The following RALYL variants were observed in gnomAD, a reference collection of about 807,000 sequenced individuals.
RALYL encodes RNA-binding Raly-like protein.
RALYL carries 29 observed loss-of-function variants against 35.1 expected under a neutral mutation model. The ratio of observed to expected loss-of-function variants is 0.83; its 90% confidence interval spans 0.61 to 1.13. RALYL has a LOEUF of 1.13. Among genes scored for constraint, RALYL ranks in the 50% most tolerant of loss-of-function variants. The pLI, the probability that RALYL is intolerant of heterozygous loss-of-function variation, is 0.00. For synonymous variants in RALYL, 120 were observed against 127.6 expected (o/e 0.94, Z 0.40); for missense variants, 359 against 360.4 (o/e 1.00, Z 0.03).
chr8:84,312,544 C>G (rs1225125949), intron 1 of RALYL, among the ~76,000 whole-genome samples: 1 of 152,084 alleles, frequency 6.6e-6, no homozygotes, highest in Non-Finnish European at 1.5e-5. Context: ...GCATTGGGTA[C>G]CAAATAGGAG....
At chr8:84,741,151 A>G (rs551679992) in intron 2 of RALYL, among the ~76,000 whole-genome samples, 74 of 152,046 alleles carry the variant, frequency 4.9e-4, no homozygotes, top group African/African-American at 1.4e-3. Flanking sequence ...TGTATGGCTT[A>G]TCCTGGATGG....
chr8:84,267,015 C>T (rs1478387529), intron 1 of RALYL, among the ~76,000 whole-genome samples: 1 of 151,772 alleles, frequency 6.6e-6, no homozygotes, highest in South Asian at 2.1e-4. Context: ...ACCTATCTCC[C>T]TGATGAGTAT....
At chr8:84,425,783 C>CTATGTGTGTATGTGTG (rs372367035) in intron 1 of RALYL, among the ~76,000 whole-genome samples, 13 of 144,598 alleles carry the variant, frequency 9.0e-5, no homozygotes, top group African/African-American at 3.3e-4. Context: ...AGTTTTTCTT[C>CTATGTGTGTATGTGTG]TGTGTGTGTG....
At chr8:84,841,979 G>A (rs1471569272) in intron 4 of RALYL, among the ~76,000 whole-genome samples, 1 of 152,200 alleles carries the variant, frequency 6.6e-6, no homozygotes, top group Non-Finnish European at 1.5e-5. Context: ...TGTGTAGAGG[G>A]AAATTCATAG....
intron 1 of RALYL, among the ~76,000 whole-genome samples, chr8:84,300,122 T>G (rs574911213): frequency 6.6e-6 from 1 of 152,188 alleles, no homozygotes; most frequent in South Asian, 2.1e-4. Context: ...ATTCCAGAGA[T>G]TCTAGTATGT....
intron 8 of RALYL, among the ~76,000 whole-genome samples, chr8:84,913,018 GGATGGATGGATGGA>G (rs1587188044): frequency 8.0e-6 from 1 of 124,912 alleles, no homozygotes; most frequent in Non-Finnish European, 1.7e-5. Context: ...ATGGATGGAT[GGATGGATGGATGGA>G]TAGGTAGGTA....
chr8:84,188,703 CCCTT>C (rs564003701), intron 1 of RALYL, among the ~76,000 whole-genome samples: 93 of 152,156 alleles, frequency 6.1e-4, no homozygotes, highest in African/African-American at 2.2e-3. Context: ...CTTGTCATCA[CCCTT>C]CCTTTTATTA....
At chr8:84,565,797 A>G (rs567892038) in intron 2 of RALYL, among the ~76,000 whole-genome samples, 187 of 151,696 alleles carry the variant, frequency 1.2e-3, no homozygotes, top group Non-Finnish European at 2.4e-3. Context: ...TGAATCCTGA[A>G]TAATTTACGT....
chr8:84,518,218 C>T (rs955995610), intron 1 of RALYL, among the ~76,000 whole-genome samples: 1 of 151,302 alleles, frequency 6.6e-6, no homozygotes, highest in African/African-American at 2.4e-5. Context: ...TCTTAGCAAA[C>T]TTTAACCTTG....
chr8:84,649,329 G>T (rs926573120), intron 2 of RALYL, among the ~76,000 whole-genome samples: 4 of 151,904 alleles, frequency 2.6e-5, no homozygotes, highest in African/African-American at 7.3e-5. Flanking sequence ...CATTGCTTTT[G>T]GTGTTTTAGA....
intron 6 of RALYL, among the ~76,000 whole-genome samples, chr8:84,868,154 C>T (rs1276885441): frequency 1.3e-5 from 2 of 152,000 alleles, no homozygotes; most frequent in Non-Finnish European, 2.9e-5. Context: ...GTCAGGCAGC[C>T]CACTCTAAAC....
At chr8:84,340,371 G>A (rs2130870144) in intron 1 of RALYL, among the ~76,000 whole-genome samples, 1 of 152,192 alleles carries the variant, frequency 6.6e-6, no homozygotes, top group South Asian at 2.1e-4. Context: ...GTGTTGTACA[G>A]CAGATCTCTG....
chr8:84,250,845 C>T (rs1830052947), intron 1 of RALYL, among the ~76,000 whole-genome samples: 1 of 152,002 alleles, frequency 6.6e-6, no homozygotes, highest in Non-Finnish European at 1.5e-5. Context: ...ACCAAACAGC[C>T]CCATTTTCAC....
intron 1 of RALYL, among the ~76,000 whole-genome samples, chr8:84,342,105 C>T (rs751891365): frequency 1.3e-5 from 2 of 150,550 alleles, no homozygotes; most frequent in Admixed American, 6.6e-5. Context: ...CACACACATA[C>T]ACTAAAGTTG....
chr8:84,364,463 C>T (rs1454057248), intron 1 of RALYL, among the ~76,000 whole-genome samples: 1 of 151,968 alleles, frequency 6.6e-6, no homozygotes, highest in South Asian at 2.1e-4. Flanking sequence ...AATTTATTGG[C>T]ATAAGTTGGA....
chr8:84,821,498 G>C (rs539214488), intron 4 of RALYL, among the ~76,000 whole-genome samples: 1 of 152,110 alleles, frequency 6.6e-6, no homozygotes, highest in Non-Finnish European at 1.5e-5. Flanking sequence ...AAATAATCAT[G>C]TATGTAAAAA....
intron 1 of RALYL, among the ~76,000 whole-genome samples, chr8:84,492,457 T>C (rs2055438645): frequency 6.6e-6 from 1 of 152,108 alleles, no homozygotes; most frequent in South Asian, 2.1e-4. Context: ...GTTTACTGAA[T>C]TACATTGAAA....
At chr8:84,682,803 A>C (rs1379051358) in intron 2 of RALYL, among the ~76,000 whole-genome samples, 1 of 151,360 alleles carries the variant, frequency 6.6e-6, no homozygotes, top group East Asian at 1.9e-4. Context: ...TCCTGGATTC[A>C]TTGATTTTTT....
intron 2 of RALYL, among the ~76,000 whole-genome samples, chr8:84,658,884 C>T (rs1830406463): frequency 1.3e-5 from 2 of 152,122 alleles, no homozygotes; most frequent in South Asian, 4.2e-4. Flanking sequence ...TGCCTTTTGT[C>T]TCAGTTTGCG....
Sources: gnomAD v4.1 joint callset for allele counts (sites outside exome capture counted in the v4.1 genomes callset) on GRCh38, gnomAD v4.1.1 for gene constraint, MANE v1.5 for transcripts, NCBI Gene and HGNC (gene_info 2026-07-23, HGNC 2026-07-21) for gene names.